The following DGKB variants were observed in gnomAD, a reference collection of about 807,000 sequenced individuals.
The protein encoded by DGKB is 90 kDa diacylglycerol kinase.
Under a neutral mutation model 114.3 loss-of-function variants are expected in DGKB, and 67 were observed. That is an observed-to-expected ratio of 0.59 (90% CI 0.48 to 0.72). DGKB has a LOEUF of 0.72. Ranked by LOEUF, DGKB falls within the 30% of genes least tolerant of loss-of-function variation. The pLI, the probability that DGKB is intolerant of heterozygous loss-of-function variation, is 0.00. For missense variants in DGKB, 907 were observed against 975.2 expected, an observed-to-expected ratio of 0.93 and a Z score of 0.93; for synonymous variants, 398 against 323.1, an observed-to-expected ratio of 1.23 and a Z score of -2.49.
At chr7:14,798,622 C>A (rs1196374882) in intron 2 of DGKB, among the ~76,000 whole-genome samples, 1 of 152,138 alleles carries the variant, frequency 6.6e-6, no homozygotes, top group Non-Finnish European at 1.5e-5. Context: ...AATAATCAGA[C>A]TTTTGGGGAC....
chr7:14,738,148 T>C (rs1270035430), intron 4 of DGKB, among the ~76,000 whole-genome samples: 3 of 152,198 alleles, frequency 2.0e-5, no homozygotes, highest in African/African-American at 7.2e-5. Flanking sequence ...AGATGACCTA[T>C]TAAAGAGAAG....
chr7:14,800,658 A>G (rs1215865341), intron 2 of DGKB, among the ~76,000 whole-genome samples: 2 of 152,178 alleles, frequency 1.3e-5, no homozygotes, highest in Non-Finnish European at 2.9e-5. Context: ...ATGCTTGTCT[A>G]GAGGTTTGGT....
At chr7:14,576,717 A>G (rs1174763924) in intron 19 of DGKB, among the ~76,000 whole-genome samples, 1 of 152,190 alleles carries the variant, frequency 6.6e-6, no homozygotes, top group East Asian at 1.9e-4. Flanking sequence ...CCTAACCGGG[A>G]GAGAACATGA....
intron 25 of DGKB, among the ~76,000 whole-genome samples, chr7:14,149,796 A>G (rs1252107800): frequency 6.6e-6 from 1 of 152,184 alleles, no homozygotes; most frequent in East Asian, 1.9e-4. Flanking sequence ...AAGGTCAGAA[A>G]TGATGAACTA....
At chr7:14,276,988 G>A (rs945257280) in intron 23 of DGKB, among the ~76,000 whole-genome samples, 1 of 151,910 alleles carries the variant, frequency 6.6e-6, no homozygotes, top group Non-Finnish European at 1.5e-5. Context: ...TTTGTGGTGA[G>A]ATGTTTGAAA....
intron 1 of DGKB, among the ~76,000 whole-genome samples, chr7:14,845,740 A>G (rs937408181): frequency 6.6e-6 from 1 of 152,092 alleles, no homozygotes; most frequent in Non-Finnish European, 1.5e-5. Context: ...GAAAGAGAAA[A>G]TAGTGCATAA....
At chr7:14,169,932 C>T (rs146217491) in intron 25 of DGKB, among the ~76,000 whole-genome samples, 3 of 151,646 alleles carry the variant, frequency 2.0e-5, no homozygotes, top group African/African-American at 4.8e-5. Flanking sequence ...GTTGGGAGTT[C>T]AAGACCAGCC....
intron 1 of DGKB, among the ~76,000 whole-genome samples, chr7:14,872,569 TGTA>T (rs1275105662): frequency 6.6e-6 from 1 of 152,188 alleles, no homozygotes; most frequent in Admixed American, 6.6e-5. Flanking sequence ...AAACGAATAA[TGTA>T]GTATTTTGGT....
intron 2 of DGKB, among the ~76,000 whole-genome samples, chr7:14,800,971 G>A (rs1842073623): frequency 6.6e-6 from 1 of 152,130 alleles, no homozygotes; most frequent in African/African-American, 2.4e-5. Context: ...GCAGAAGAAG[G>A]TAGCTATAAA....
chr7:14,887,445 A>G (rs1449506746), intron 1 of DGKB, among the ~76,000 whole-genome samples: 1 of 151,728 alleles, frequency 6.6e-6, no homozygotes, highest in Non-Finnish European at 1.5e-5. Flanking sequence ...TCCAAGGCTT[A>G]GCATTGGACC....
At chr7:14,745,669 C>G (rs779404287) in intron 4 of DGKB, among the ~76,000 whole-genome samples, 1 of 152,180 alleles carries the variant, frequency 6.6e-6, no homozygotes, top group Non-Finnish European at 1.5e-5. Flanking sequence ...AGGGGAGGAG[C>G]CTGACCTCTT....
intron 8 of DGKB, among the ~76,000 whole-genome samples, chr7:14,696,321 G>A (rs192630004): frequency 0.013 from 1,942 of 151,200 alleles, 51 homozygotes; most frequent in African/African-American, 0.044. Flanking sequence ...GTGAAACCCC[G>A]TCTCTACTAA....
chr7:14,791,597 G>A (rs571506961), intron 2 of DGKB, among the ~76,000 whole-genome samples: 1 of 152,164 alleles, frequency 6.6e-6, no homozygotes, highest in East Asian at 1.9e-4. Context: ...TTCTTTTTCT[G>A]TTTTATCAGA....
chr7:14,651,132 C>T lies in DGKB; in HGVS notation c.1135-20864G>A, dbSNP rs542964353. Among the ~76,000 whole-genome samples, 385 of 152,234 alleles carry T rather than the reference C, an allele frequency of 2.5e-3. 1 individual carries two copies. Among genetic ancestry groups the T allele is most frequent in the African/African-American group, 8.7e-3 (361 of 41,544 alleles). On this transcript the variant is annotated intron_variant, in intron 13 of 25. Transcript: ENST00000402815. ...AATCAATAGAAAAAGAGGGAATCCTCCCTAACTCATTTGATGAGGCCAGCA... is the reference window on the plus strand; with the variant it reads ...AATCAATAGAAAAAGAGGGAATCCTTCCTAACTCATTTGATGAGGCCAGCA...
intron 13 of DGKB, among the ~76,000 whole-genome samples, chr7:14,652,280 C>T (rs192325320): frequency 0.017 from 2,614 of 152,174 alleles, 30 homozygotes; most frequent in Non-Finnish European, 0.025. Context: ...CCAAACAGCA[C>T]GGTACTGGTA....
intron 8 of DGKB, among the ~76,000 whole-genome samples, 176 bp from the exon 9 acceptor site, chr7:14,694,370 A>G (rs530853895): frequency 6.6e-6 from 1 of 152,292 alleles, no homozygotes; most frequent in African/African-American, 2.4e-5. Flanking sequence ...GCATTTCTAA[A>G]CCTGGCCACT....
intron 4 of DGKB, among the ~76,000 whole-genome samples, chr7:14,742,932 T>G (rs893348748): frequency 1.3e-5 from 2 of 152,314 alleles, no homozygotes; most frequent in East Asian, 3.9e-4. Context: ...TAAATAGTTG[T>G]GGAAGGTTTC....
intron 16 of DGKB, among the ~76,000 whole-genome samples, chr7:14,612,597 G>A (rs1805759602): frequency 6.6e-6 from 1 of 152,020 alleles, no homozygotes; most frequent in Non-Finnish European, 1.5e-5. Context: ...GAGCCACAAA[G>A]GAAATTTGTT....
intron 6 of DGKB, among the ~76,000 whole-genome samples, chr7:14,709,707 A>G (rs1263076534): frequency 6.8e-6 from 1 of 146,496 alleles, no homozygotes; most frequent in Non-Finnish European, 1.5e-5. Context: ...TCAGTAAACT[A>G]TCGCAAGAAC....
Sources: gnomAD v4.1 joint callset for allele counts (sites outside exome capture counted in the v4.1 genomes callset) on GRCh38, gnomAD v4.1.1 for gene constraint, MANE v1.5 for transcripts, NCBI Gene and HGNC (gene_info 2026-07-23, HGNC 2026-07-21) for gene names.